MAD1L1: variants seen among roughly 807,000 people sequenced by gnomAD.
MAD1L1 encodes mitotic spindle assembly checkpoint protein MAD1.
A neutral mutation model predicts 96.9 loss-of-function variants in MAD1L1; 95 were observed. The observed-to-expected ratio is 0.98, with a 90% CI of 0.83 to 1.16. The LOEUF (loss-of-function observed/expected upper bound fraction) is 1.16, where lower values mean the gene tolerates loss of function less well. MAD1L1 is among the 50% of genes most tolerant of loss of function. The pLI, the probability that MAD1L1 is intolerant of heterozygous loss-of-function variation, is 0.00. For synonymous variants in MAD1L1, 473 were observed against 396.6 expected (o/e 1.19, Z -2.29); for missense variants, 1,007 against 954.4 (o/e 1.06, Z -0.73).
chr7:2,068,309 G>A (rs73048938), intron 12 of MAD1L1, among the ~76,000 whole-genome samples: 5,061 of 152,284 alleles, frequency 0.033, 183 homozygotes, highest in Admixed American at 0.094. Flanking sequence ...CGCCCAGAGC[G>A]AGCTGGAGAA....
chr7:2,013,395 G>A (rs369267592), intron 13 of MAD1L1, among the ~76,000 whole-genome samples: 4 of 152,266 alleles, frequency 2.6e-5, no homozygotes, highest in African/African-American at 4.8e-5. Context: ...ACAGAGCTCG[G>A]CTGTTCAGCT....
intron 18 of MAD1L1, among the ~76,000 whole-genome samples, chr7:1,859,549 G>A (rs1784417960): frequency 6.6e-6 from 1 of 152,202 alleles, no homozygotes. Flanking sequence ...CAGGTGCCAG[G>A]ACTTTATGTT....
chr7:1,899,946 C>T lies in MAD1L1; in HGVS notation c.1808-1556G>A, dbSNP rs539267891. On this transcript the variant is annotated intron_variant, in intron 17 of 18. Coordinates refer to ENST00000265854, the MANE Select transcript of MAD1L1 (RefSeq NM_001013836.2). ...CGCGGTTTCAGCTCGGCTCTGCCTC[C>T]CTGACCTGTGACTCTGAACCTACCC... is the stretch of plus-strand genomic sequence containing the variant. 5.3e-5 allele frequency among the ~76,000 whole-genome samples: 8 copies of T among 152,330 alleles called. 1 individual carries two copies. The South Asian group carries it at 1.7e-3, about 32-fold the overall frequency.
chr7:1,865,789 TACAGCG>T (rs1258295338), intron 18 of MAD1L1, among the ~76,000 whole-genome samples: 1 of 152,258 alleles, frequency 6.6e-6, no homozygotes, highest in Non-Finnish European at 1.5e-5. Flanking sequence ...CTACGGGATC[TACAGCG>T]ACTGCTCTCT....
rs143633868 is a variant in MAD1L1 at position 2,017,695 on chromosome 7, T to G, written c.1219-3053A>C. ...GAAAGAGCAAGAGAGATAATGACGC[T>G]CATTCCCTCATCAGCAGGTGCTCCG... is the stretch of plus-strand genomic sequence containing the variant. On this transcript the variant is annotated intron_variant, in intron 12 of 18. Coordinates refer to ENST00000265854, the MANE Select transcript of MAD1L1 (RefSeq NM_001013836.2). 7.6e-3 allele frequency among the ~76,000 whole-genome samples: 1,159 copies of G among 152,278 alleles called. 11 individuals are homozygous for G. The highest frequency in any genetic ancestry group is 0.014 in the Middle Eastern group (4 of 294).
chr7:2,130,245 G>T (rs942316274), intron 11 of MAD1L1, among the ~76,000 whole-genome samples: 1 of 152,208 alleles, frequency 6.6e-6, no homozygotes, highest in African/African-American at 2.4e-5. Context: ...GCATTCAGGT[G>T]CCTCCCCGCT....
At chr7:2,179,161 C>T (rs955355283) in intron 10 of MAD1L1, among the ~76,000 whole-genome samples, 4 of 152,144 alleles carry the variant, frequency 2.6e-5, no homozygotes, top group African/African-American at 9.7e-5. Context: ...AGGTGGCTCT[C>T]AAGAAGAGTG....
chr7:1,933,033 TTC>T (rs1331960242), intron 17 of MAD1L1, among the ~76,000 whole-genome samples: 4 of 152,244 alleles, frequency 2.6e-5, no homozygotes, highest in African/African-American at 9.6e-5. Flanking sequence ...AAGCCCCGTC[TTC>T]TCTCTGAGGA....
intron 12 of MAD1L1, among the ~76,000 whole-genome samples, chr7:2,065,476 G>C (rs972444266): frequency 6.6e-6 from 1 of 152,192 alleles, no homozygotes; most frequent in Non-Finnish European, 1.5e-5. Flanking sequence ...ATGGCAGTGG[G>C]CAGATCTGAT....
intron 10 of MAD1L1, among the ~76,000 whole-genome samples, chr7:2,180,550 G>A (rs1228636518): frequency 6.6e-6 from 1 of 152,176 alleles, no homozygotes; most frequent in African/African-American, 2.4e-5. Context: ...TGTCTAGTGA[G>A]GTTTTGTAAT....
intron 16 of MAD1L1, among the ~76,000 whole-genome samples, chr7:1,946,538 T>A (rs1779236401): frequency 6.6e-6 from 1 of 152,282 alleles, no homozygotes; most frequent in Admixed American, 6.5e-5. Context: ...AAGGAAAAGT[T>A]TGGAGCCTTC....
rs1404547974 is a variant in MAD1L1 at position 1,851,991 on chromosome 7, G to A, written c.1999-35763C>T. Among the ~76,000 whole-genome samples, 4 of 152,304 alleles carry A rather than the reference G, an allele frequency of 2.6e-5. No homozygotes were observed. In the East Asian group the frequency reaches 7.7e-4, roughly 29 times the overall value. On this transcript the variant is annotated intron_variant, in intron 18 of 18. Transcript: ENST00000265854. ...GCACGGGTGGGCGGACAGTGTCAGC[G>A]GCAACGAGAGGGGCTGGGAACCTTC...
At chr7:2,118,227 T>A (rs531626135) in intron 11 of MAD1L1, among the ~76,000 whole-genome samples, 61 of 152,104 alleles carry the variant, frequency 4.0e-4, no homozygotes, top group South Asian at 6.2e-4. Flanking sequence ...TCCACTGGAG[T>A]GGATGGGGCA....
At chr7:2,183,735 C>A (rs1791315459) in intron 10 of MAD1L1, among the ~76,000 whole-genome samples, 1 of 151,778 alleles carries the variant, frequency 6.6e-6, no homozygotes, top group African/African-American at 2.4e-5. Flanking sequence ...GGGAACATCA[C>A]ACACCGGGGA....
chr7:1,915,736 G>A (rs549825658), intron 17 of MAD1L1, among the ~76,000 whole-genome samples: 171 of 152,346 alleles, frequency 1.1e-3, no homozygotes, highest in African/African-American at 4.0e-3. Context: ...TCCGCCAGCG[G>A]GGCCAAAACG....
intron 3 of MAD1L1, among the ~76,000 whole-genome samples, chr7:2,228,065 CA>C (rs1453811584): frequency 6.6e-6 from 1 of 152,150 alleles, no homozygotes. Context: ...TGGGATGTGA[CA>C]GGGGCCAGGG....
At chr7:1,882,170 T>C (rs1336813728) in intron 18 of MAD1L1, among the ~76,000 whole-genome samples, 1 of 152,172 alleles carries the variant, frequency 6.6e-6, no homozygotes, top group African/African-American at 2.4e-5. Context: ...CTCACCTTAC[T>C]GCAAGTACCC....
intron 17 of MAD1L1, among the ~76,000 whole-genome samples, chr7:1,918,560 C>A (rs1350317678): frequency 3.3e-5 from 5 of 152,214 alleles, no homozygotes; most frequent in Admixed American, 1.3e-4. Context: ...CGGGTGTGCC[C>A]AGCACAGAGG....
At chr7:2,091,130 C>A (rs1001899628) in intron 11 of MAD1L1, among the ~76,000 whole-genome samples, 3 of 152,232 alleles carry the variant, frequency 2.0e-5, no homozygotes, top group African/African-American at 2.4e-5. Flanking sequence ...CATCCACACG[C>A]CCCATCCTTT....
Sources: gnomAD v4.1 joint callset for allele counts (sites outside exome capture counted in the v4.1 genomes callset) on GRCh38, gnomAD v4.1.1 for gene constraint, MANE v1.5 for transcripts, NCBI Gene and HGNC (gene_info 2026-07-23, HGNC 2026-07-21) for gene names.